Variants in DCLK2 observed in about 807,000 individuals in gnomAD.
DCLK2 encodes doublecortin like kinase 2.
DCLK2 carries 31 observed loss-of-function variants against 78.4 expected under a neutral mutation model. The ratio of observed to expected loss-of-function variants is 0.40; its 90% CI spans 0.30 to 0.53. DCLK2 has a LOEUF of 0.53. DCLK2 is among the 20% of genes least tolerant of loss of function. DCLK2 has a pLI of 0.61. For missense variants in DCLK2, 872 were observed against 973.7 expected, an observed-to-expected ratio of 0.90 and a Z score of 1.39; for synonymous variants, 407 against 374.9, an observed-to-expected ratio of 1.09 and a Z score of -0.99.
rs540804221 is a variant in DCLK2, at chr4:150,196,523, T to C, written c.860-1479T>C. Reference sequence around the variant, plus strand: ...TTGTCAGTTTACTGCCCCTGGGGTATAGACTAAAATTAATCCACATTTTAA... The same window carrying C: ...TTGTCAGTTTACTGCCCCTGGGGTACAGACTAAAATTAATCCACATTTTAA... On this transcript the variant is annotated intron_variant, in intron 3 of 15. Coordinates refer to ENST00000296550, the MANE Select transcript of DCLK2 (RefSeq NM_001040260.4). Among the ~76,000 whole-genome samples, 73 of 152,332 alleles carry C rather than the reference T, an allele frequency of 4.8e-4. 1 individual carries two copies. Among genetic ancestry groups the C allele is most frequent in the South Asian group, 8.3e-4 (4 of 4,828 alleles).
At chr4:150,144,301 G>T (rs1734305112) in intron 2 of DCLK2, among the ~76,000 whole-genome samples, 2 of 152,078 alleles carry the variant, frequency 1.3e-5, no homozygotes, top group South Asian at 4.1e-4. Context: ...TTTGTATATG[G>T]TTAGCCAATT....
At chr4:150,138,763 T>A (rs992915805) in intron 2 of DCLK2, among the ~76,000 whole-genome samples, 5 of 152,020 alleles carry the variant, frequency 3.3e-5, no homozygotes, top group African/African-American at 7.2e-5. Context: ...GCCTCCTGGG[T>A]TCAAGCAATT....
At chr4:150,231,855 C>A (rs1290980983) in intron 8 of DCLK2, among the ~76,000 whole-genome samples, 1 of 152,164 alleles carries the variant, frequency 6.6e-6, no homozygotes, top group Non-Finnish European at 1.5e-5. Flanking sequence ...AATTCAAATT[C>A]ATGTTAGTAA....
chr4:150,249,737 T>C, intron 15 of DCLK2, 53 bp downstream of exon 15: 1 of 1,434,664 alleles, frequency 7.0e-7, no homozygotes, highest in South Asian at 1.1e-5. Flanking sequence ...CTTGAAGTTT[T>C]TGAATTAGGT....
At chr4:150,204,103 A>G (rs1457736116) in intron 5 of DCLK2, among the ~76,000 whole-genome samples, 1 of 152,192 alleles carries the variant, frequency 6.6e-6, no homozygotes, top group Non-Finnish European at 1.5e-5. Flanking sequence ...TCTTCTCTAA[A>G]ATGGGAACAC....
chr4:150,198,447 T>G (rs1198323950), intron 4 of DCLK2, among the ~76,000 whole-genome samples: 2 of 150,046 alleles, frequency 1.3e-5, no homozygotes, highest in Non-Finnish European at 3.0e-5. Context: ...TTTCTTAACA[T>G]TATCTCTTTT....
rs145166647 is a variant in DCLK2, at chr4:150,208,976, G to A, written c.1056+5087G>A. On this transcript the variant is annotated intron_variant, in intron 5 of 15. Coordinates refer to ENST00000296550, the MANE Select transcript of DCLK2 (RefSeq NM_001040260.4). ...GGATGTGGGATGATGTTCTGTGGTG[G>A]GCCTGTGATGGAAGTCACCCTGTGG... 6.7e-3 allele frequency among the ~76,000 whole-genome samples: 1,025 copies of A among 152,270 alleles called. 45 individuals are homozygous for A. Among genetic ancestry groups the A allele is most frequent in the Admixed American group, 0.057 (865 of 15,294 alleles).
intron 2 of DCLK2, among the ~76,000 whole-genome samples, chr4:150,142,413 T>C (rs983823969): frequency 1.3e-5 from 2 of 152,338 alleles, no homozygotes; most frequent in South Asian, 2.1e-4. Flanking sequence ...ACCCTTCCAA[T>C]TGAGTAGAAT....
At chr4:150,198,142 CA>C in intron 4 of DCLK2, 39 bp downstream of exon 4, 1 of 1,540,414 alleles carries the variant, frequency 6.5e-7, no homozygotes. Flanking sequence ...ATAGCAGGAA[CA>C]GATCATTTTC....
intron 2 of DCLK2, among the ~76,000 whole-genome samples, chr4:150,172,760 T>TTGGGGG (rs762854376): frequency 1.6e-5 from 2 of 125,006 alleles, no homozygotes; most frequent in African/African-American, 5.8e-5. Context: ...TTTTTTTTTT[T>TTGGGGG]GGGGGGGGGG....
chr4:150,124,019 CAA>C (rs566813464), intron 2 of DCLK2, among the ~76,000 whole-genome samples: 2 of 142,986 alleles, frequency 1.4e-5, no homozygotes, highest in Admixed American at 7.0e-5. Flanking sequence ...CAGCCTGTCT[CAA>C]AAAAAAAAAA....
At chr4:150,111,318 C>T (rs1254570893) in intron 2 of DCLK2, among the ~76,000 whole-genome samples, 3 of 152,014 alleles carry the variant, frequency 2.0e-5, no homozygotes, top group Admixed American at 6.6e-5. Flanking sequence ...CATTTGCCCA[C>T]TTATTGATGG....
chr4:150,100,158 T>C (rs761024992), intron 1 of DCLK2, among the ~76,000 whole-genome samples: 10 of 152,134 alleles, frequency 6.6e-5, no homozygotes, highest in Non-Finnish European at 1.2e-4. Flanking sequence ...AGCATTCCTC[T>C]TGCCTTGGCC....
At chr4:150,237,122 C>A (rs1349964373) in intron 10 of DCLK2, among the ~76,000 whole-genome samples, 4 of 151,382 alleles carry the variant, frequency 2.6e-5, no homozygotes, top group Non-Finnish European at 5.9e-5. Context: ...TTTTTTAACT[C>A]TCATGATGCA....
At chr4:150,108,868 A>C (rs1314045865) in intron 2 of DCLK2, among the ~76,000 whole-genome samples, 1 of 152,220 alleles carries the variant, frequency 6.6e-6, no homozygotes, top group Non-Finnish European at 1.5e-5. Flanking sequence ...GAGGCAAAAC[A>C]GACCCAGAAA....
intron 4 of DCLK2, among the ~76,000 whole-genome samples, chr4:150,203,532 A>G (rs1258639881): frequency 6.6e-6 from 1 of 151,940 alleles, no homozygotes; most frequent in African/African-American, 2.4e-5. Context: ...CACTAATTCC[A>G]TAATGTCTTC....
At position 150,212,477 on chromosome 4, in the gene DCLK2, A is replaced by G. The variant is rs186945840; in HGVS notation, c.1057-8226A>G. On this transcript the variant is annotated intron_variant, in intron 5 of 15. Transcript: ENST00000296550. ...TCTTTTGTAATTAAGACTAGTTGAT[A>G]ACCTTCAATACTAAGAAACTGACCA... 4.3e-4 allele frequency among the ~76,000 whole-genome samples: 66 copies of G among 152,336 alleles called. 1 individual carries two copies. The highest frequency in any genetic ancestry group is 3.7e-3 in the Admixed American group (57 of 15,294).
At chr4:150,144,443 A>G (rs4254749) in intron 2 of DCLK2, among the ~76,000 whole-genome samples, 120,836 of 152,036 alleles carry the variant, frequency 0.79, 48,131 homozygotes, top group South Asian at 0.91. Flanking sequence ...ATCCGTGTGC[A>G]TATTTTTGTA....
At chr4:150,097,820 C>T (rs966669317) in intron 1 of DCLK2, among the ~76,000 whole-genome samples, 5 of 152,080 alleles carry the variant, frequency 3.3e-5, no homozygotes, top group African/African-American at 4.8e-5. Context: ...CTCATATGAT[C>T]GGGATTTGCA....
Sources: gnomAD v4.1 joint callset for allele counts (sites outside exome capture counted in the v4.1 genomes callset) on GRCh38, gnomAD v4.1.1 for gene constraint, MANE v1.5 for transcripts, NCBI Gene and HGNC (gene_info 2026-07-23, HGNC 2026-07-21) for gene names.